The following DYNC1H1 variants were observed in gnomAD, a reference collection of about 807,000 sequenced individuals.
DYNC1H1 encodes the protein dynein cytoplasmic 1 heavy chain 1.
In DYNC1H1, 51 loss-of-function variants were observed where a neutral mutation model predicts 527.1. The observed-to-expected ratio is 0.10, with a 90% CI of 0.08 to 0.12. The LOEUF (loss-of-function observed/expected upper bound fraction) is 0.12, where lower values mean the gene tolerates loss of function less well. Among genes scored for constraint, DYNC1H1 ranks in the 10% least tolerant of loss-of-function variants. The probability of loss-of-function intolerance (pLI) is 1.00; values close to 1 mark genes in which losing one functional copy is unlikely to be tolerated. For synonymous variants in DYNC1H1, 2,189 were observed against 2,278.8 expected (o/e 0.96, Z 1.12); for missense variants, 2,771 against 5,971.8 (o/e 0.46, Z 17.66).
rs1309639905 is a variant in DYNC1H1, at chr14:102,015,326, G to A, written c.7236G>A (p.Met2412Ile). The change falls in exon 35 of 78, where the codon ATG (methionine) becomes ATA (isoleucine). Residue 2412 changes from methionine to isoleucine, a missense_variant. Met to Ile is a conservative substitution (Grantham distance 10). Around this residue, in one of 32 missense-constraint regions of DYNC1H1, gnomAD observed 122 missense variants for 168.4 expected, o/e 0.72. Coordinates refer to ENST00000360184, the MANE Select transcript of DYNC1H1 (RefSeq NM_001376.5). This position sits in a 1 kb window ranked among gnomAD's most constrained non-coding sequence, Gnocchi z 6.9. ...AGGGGGAGGAGGCCGCTTCCCCCATGCTGCAGGTACGCCCAGGTGGGACCC... is the reference window on the plus strand; with the variant it reads ...AGGGGGAGGAGGCCGCTTCCCCCATACTGCAGGTACGCCCAGGTGGGACCC... The part of the protein sequence containing the change: ...EDEGEEAASP[M>I]LQIQRDAATI... 1 of 1,611,824 alleles carries A rather than the reference G, an allele frequency of 6.2e-7. No individual in the cohort carries two copies. Among genetic ancestry groups the A allele is most frequent in the Admixed American group, 1.7e-5 (1 of 59,618 alleles).
In DYNC1H1 at chr14:102,010,230, T is replaced by TA; in HGVS notation, c.6222-43dup. ...CTTGACACTTGACCCTATTATTGCT[T>TA]AAAGTATACTGTTATTAAAGATAGC... On this transcript the variant is annotated intron_variant, in intron 30 of 77. Coordinates refer to ENST00000360184, the MANE Select transcript of DYNC1H1 (RefSeq NM_001376.5). The surrounding 1 kb of genome is among the most constrained non-coding windows in gnomAD (Gnocchi z 6.0). 6.2e-7 allele frequency: 1 copy of TA among 1,613,426 alleles called. No individual in the cohort carries two copies. Among genetic ancestry groups the TA allele is most frequent in the Non-Finnish European group, 8.5e-7 (1 of 1,179,854 alleles).
intron 34 of DYNC1H1, among the ~76,000 whole-genome samples, chr14:102,014,620 G>A (rs1397493296): frequency 6.6e-6 from 1 of 151,970 alleles, no homozygotes; most frequent in East Asian, 1.9e-4. Flanking sequence ...GCGCACCCAG[G>A]ACACAGTCAC....
chr14:102,008,607 G>A (rs2048224235), intron 29 of DYNC1H1, among the ~76,000 whole-genome samples: 1 of 152,092 alleles, frequency 6.6e-6, no homozygotes, highest in Non-Finnish European at 1.5e-5. Context: ...GGCCAACGTG[G>A]TGAAACCCAT....
intron 28 of DYNC1H1, 103 bp from the exon 29 acceptor site, chr14:102,008,075 C>T: frequency 1.9e-6 from 3 of 1,547,984 alleles, no homozygotes; most frequent in Non-Finnish European, 2.6e-6. Context: ...AAGACAAACC[C>T]ACTAGGGTTA....
In DYNC1H1 at chr14:101,980,570, A is replaced by T. The variant is rs770840565; in HGVS notation, c.961+20A>T. 6.2e-7 allele frequency: 1 copy of T among 1,612,882 alleles called. No individual in the cohort carries two copies. The highest frequency in any genetic ancestry group is 1.1e-5 in the South Asian group (1 of 90,900). On this transcript the variant is annotated intron_variant, in intron 5 of 77. Transcript: ENST00000360184. ...ACACAGGTAACAACTAGAACTAATA[A>T]TCTGATCAGTAAGTTATTGATCTGG...
chr14:101,996,967 G>A (rs2048069824), intron 15 of DYNC1H1, 68 bp from the exon 16 acceptor site: 1 of 1,555,144 alleles, frequency 6.4e-7, no homozygotes, highest in South Asian at 1.2e-5. Context: ...TCTTTCATGG[G>A]GCTCTAATTA....
chr14:102,009,682 G>A (rs1243494101), intron 29 of DYNC1H1, 161 bp from the exon 30 acceptor site: 4 of 1,086,912 alleles, frequency 3.7e-6, no homozygotes, highest in East Asian at 2.6e-5. Context: ...AATGTGGCTG[G>A]TGGTCCCCGA....
chr14:101,975,201 C>G (rs932566287), intron 1 of DYNC1H1, among the ~76,000 whole-genome samples: 3 of 152,152 alleles, frequency 2.0e-5, no homozygotes, highest in Admixed American at 6.5e-5. Flanking sequence ...ATGGAGAAAA[C>G]AAGGATAATA....
Position 102,033,259 on chromosome 14 carries a change from T to G in DYNC1H1, c.10198-10T>G, listed in dbSNP as rs1277447501. 6.2e-7 allele frequency: 1 copy of G among 1,614,206 alleles called. No homozygotes were observed. Among genetic ancestry groups the G allele is most frequent in the Non-Finnish European group, 8.5e-7 (1 of 1,180,034 alleles). On this transcript the variant is annotated splice_polypyrimidine_tract_variant and intron_variant, in intron 53 of 77. Transcript: ENST00000360184. This position sits in a 1 kb window ranked among gnomAD's most constrained non-coding sequence, Gnocchi z 5.6. Reference sequence around the variant, plus strand: ...CACTTAAATAACAGTTATCAATTGGTTCTTCCCAGCTTAACTATGCAGACA... The same window carrying G: ...CACTTAAATAACAGTTATCAATTGGGTCTTCCCAGCTTAACTATGCAGACA...
At chr14:102,034,852 G>A (rs1234091429) in intron 56 of DYNC1H1, 1 of 326,602 alleles carries the variant, frequency 3.1e-6, no homozygotes, top group Non-Finnish European at 6.0e-6. Context: ...CTTGAACCCA[G>A]GAGGCAGAGG....
chr14:101,986,019 T>TG lies in DYNC1H1; in HGVS notation c.1798dup (p.Ala600GlyfsTer16). The TG allele has an allele frequency of 6.2e-7, 1 of 1,614,180 alleles. No individual in the cohort carries two copies. ...CACTGTTTGTCAGGCCTCACATCCG[T>TG]GGGGCCATTCGCGAATACCAGACCC... On this transcript the variant is annotated frameshift_variant, in exon 8 of 78. Coordinates refer to ENST00000360184, the MANE Select transcript of DYNC1H1 (RefSeq NM_001376.5). LOFTEE classifies it high-confidence loss of function. The surrounding 1 kb of genome is among the most constrained non-coding windows in gnomAD (Gnocchi z 8.7).
In DYNC1H1 at chr14:101,964,667, C is replaced by T; in HGVS notation, c.-25C>T. On this transcript the variant is annotated 5_prime_UTR_variant, in exon 1 of 78. Transcript: ENST00000360184. The surrounding 1 kb of genome is among the most constrained non-coding windows in gnomAD (Gnocchi z 5.5). Reference sequence around the variant, plus strand: ...GAGTCGCGGCCGCCTTCTCATCGCTCCTGGAAGGTCCCGAGCGCGACACCA... The same window carrying T: ...GAGTCGCGGCCGCCTTCTCATCGCTTCTGGAAGGTCCCGAGCGCGACACCA... The T allele has an allele frequency of 6.4e-7, 1 of 1,574,320 alleles. No individual in the cohort carries two copies. Among genetic ancestry groups the T allele is most frequent in the Non-Finnish European group, 8.6e-7 (1 of 1,166,330 alleles).
chr14:101,974,096 A>G (rs1044863957), intron 1 of DYNC1H1, among the ~76,000 whole-genome samples: 1 of 151,904 alleles, frequency 6.6e-6, no homozygotes, highest in Middle Eastern at 3.2e-3. Context: ...CCTTTCCTTT[A>G]TTTATTTATT....
rs1406170001 is a variant in DYNC1H1, at chr14:102,005,757, T to C, written c.5434-131T>C. ...TCATCTCTGAAAGTGAATTTGCCTT[T>C]TGGAACATTTACTGAAAGCCATTGT... On this transcript the variant is annotated intron_variant, in intron 26 of 77. Coordinates refer to ENST00000360184, the MANE Select transcript of DYNC1H1 (RefSeq NM_001376.5). This position sits in a 1 kb window ranked among gnomAD's most constrained non-coding sequence, Gnocchi z 4.0. 8.6e-7 allele frequency: 1 copy of C among 1,159,086 alleles called. No individual in the cohort carries two copies. Among genetic ancestry groups the C allele is most frequent in the Non-Finnish European group, 1.3e-6 (1 of 786,434 alleles). 71.8% of individuals were successfully genotyped at this position (1,159,086 alleles called of 1,614,324 possible).
At chr14:101,991,504 G>A (rs1347457672) in intron 10 of DYNC1H1, 23 bp from the exon 11 acceptor site, 2 of 1,614,040 alleles carry the variant, frequency 1.2e-6, no homozygotes. Context: ...TTGCTGAGTA[G>A]AAATGAAACC....
At position 102,039,585 on chromosome 14, in the gene DYNC1H1, A is replaced by T. The variant is rs367966878; in HGVS notation, c.11595+39A>T. 89 of 1,614,184 alleles carry T rather than the reference A, an allele frequency of 5.5e-5. No homozygotes were observed. The African/African-American group carries it at 1.1e-3, about 19-fold the overall frequency. Reference sequence around the variant, plus strand: ...CTCAGCCGCTCCCTGGCGGGGGGGAAGCAGGGTGCTGCTTCTCTTATGGAA... The same window carrying T: ...CTCAGCCGCTCCCTGGCGGGGGGGATGCAGGGTGCTGCTTCTCTTATGGAA... On this transcript the variant is annotated intron_variant, in intron 61 of 77. Transcript: ENST00000360184. The surrounding 1 kb of genome is among the most constrained non-coding windows in gnomAD (Gnocchi z 7.0).
At chr14:102,000,230 G>C (rs2048114704) in intron 17 of DYNC1H1, 56 bp from the exon 18 acceptor site, 1 of 1,614,104 alleles carries the variant, frequency 6.2e-7, no homozygotes, top group East Asian at 2.2e-5. Flanking sequence ...GGCCCTGCCA[G>C]ATTCTGGGGT....
Position 102,032,282 on chromosome 14 carries a change from G to T in DYNC1H1, c.9894G>T (p.Ser3298=). Residue 3298 remains serine, a synonymous_variant, in exon 52 of 78, where the codon TCG becomes TCT. Coordinates refer to ENST00000360184, the MANE Select transcript of DYNC1H1 (RefSeq NM_001376.5). ...CCTGCTGCCACTCAGCTGTGAAGTC[G>T]ATCAAGAAGCAGCACCTGGTGGAGG... ...AVIEAQNAVK[S]IKKQHLVEVR... The T allele has an allele frequency of 6.2e-7, 1 of 1,613,882 alleles. No individual in the cohort carries two copies. Among genetic ancestry groups the T allele is most frequent in the Non-Finnish European group, 8.5e-7 (1 of 1,180,042 alleles).
Position 102,029,452 on chromosome 14 carries a change from C to A in DYNC1H1, c.9469-87C>A. The stretch of plus-strand genomic sequence containing the variant: ...GGGCCAGGCTCCTTCTATCATGTCA[C>A]ACCCATCTGCCAAGGCCAAAATTGT... On this transcript the variant is annotated intron_variant, in intron 48 of 77. Transcript: ENST00000360184. The surrounding 1 kb of genome is among the most constrained non-coding windows in gnomAD (Gnocchi z 5.3). 6.4e-7 allele frequency: 1 copy of A among 1,574,354 alleles called. No individual in the cohort carries two copies. The highest frequency in any genetic ancestry group is 1.3e-5 in the African/African-American group (1 of 74,120).
Sources: allele counts gnomAD v4.1 joint callset (sites outside exome capture counted in the v4.1 genomes callset), GRCh38; gene constraint gnomAD v4.1.1; regional missense constraint gnomAD v4.1.1; non-coding constraint Gnocchi (gnomAD v3.1); transcripts MANE v1.5; gene names NCBI Gene and HGNC (gene_info 2026-07-23, HGNC 2026-07-21).